Variants in MMP26 observed in about 807,000 individuals in gnomAD.
MMP26 encodes matrix metallopeptidase 26, also known as matrix metalloproteinase-26.
MMP26 carries 33 observed loss-of-function variants against 31.0 expected under a neutral mutation model. That is an observed-to-expected ratio of 1.06 (90% CI 0.81 to 1.42). The LOEUF is 1.42. Among genes scored for constraint, MMP26 ranks in the 40% most tolerant of loss-of-function variants. MMP26 has a pLI of 0.00. For missense variants in MMP26, 347 were observed against 316.1 expected (o/e 1.10, Z -0.74); for synonymous variants, 122 against 114.9 (o/e 1.06, Z -0.40).
At position 4,879,568 on chromosome 11, in the gene MMP26, C is replaced by T. The variant is rs577070163; in HGVS notation, c.-144-108500C>T. 1.7e-4 allele frequency among the ~76,000 whole-genome samples: 26 copies of T among 152,080 alleles called. No homozygotes were observed. The Middle Eastern group carries it at 0.014, about 80-fold the overall frequency. ...CTGCAACTTGCTAACTTTTAGACAG[C>T]GAAGTTATTAAAAAATCTCTCTGAA... is the stretch of plus-strand genomic sequence containing the variant. On this transcript the variant is annotated intron_variant, in intron 2 of 7. Transcript: ENST00000380390.
At chr11:4,969,832 C>T (rs35996509) in intron 2 of MMP26, among the ~76,000 whole-genome samples, 24,163 of 151,928 alleles carry the variant, frequency 0.16, 2,395 homozygotes, top group South Asian at 0.23. Flanking sequence ...ATTAAGCAAA[C>T]GTTATTAAAC....
intron 1 of MMP26, among the ~76,000 whole-genome samples, chr11:4,753,929 G>A (rs186172003): frequency 6.6e-6 from 1 of 152,072 alleles, no homozygotes; most frequent in African/African-American, 2.4e-5. Flanking sequence ...CAAATAGTAA[G>A]CTTGTTTTGT....
chr11:4,839,692 C>T (rs1335949246), intron 2 of MMP26, among the ~76,000 whole-genome samples: 2 of 151,758 alleles, frequency 1.3e-5, no homozygotes, highest in African/African-American at 2.4e-5. Context: ...CAGCAATACC[C>T]AGGTACTACG....
chr11:4,906,622 T>C (rs1850893675), intron 2 of MMP26, among the ~76,000 whole-genome samples: 1 of 152,208 alleles, frequency 6.6e-6, no homozygotes, highest in South Asian at 2.1e-4. Flanking sequence ...TCTCTGATTA[T>C]TTTCTTAGAC....
chr11:4,882,766 G>A (rs767844413), intron 2 of MMP26: 2 of 1,613,906 alleles, frequency 1.2e-6, no homozygotes, highest in Non-Finnish European at 8.5e-7. Flanking sequence ...CACCTGTGCT[G>A]AACCCTATCA....
chr11:4,938,051 T>C (rs748740151), intron 2 of MMP26: 2 of 152,038 alleles, frequency 1.3e-5, no homozygotes, highest in African/African-American at 2.4e-5. Context: ...CCCAAAGTGA[T>C]GGGTAAGGAA....
chr11:4,874,008 A>G (rs1016485471), intron 2 of MMP26, among the ~76,000 whole-genome samples: 2 of 152,080 alleles, frequency 1.3e-5, no homozygotes, highest in Non-Finnish European at 2.9e-5. Context: ...ATATAAGTGA[A>G]AGACCCTCAA....
intron 2 of MMP26, among the ~76,000 whole-genome samples, chr11:4,783,745 G>T (rs1441738362): frequency 6.6e-6 from 1 of 152,164 alleles, no homozygotes; most frequent in East Asian, 1.9e-4. Context: ...TATGGGGACA[G>T]GTCTTTCCAT....
intron 1 of MMP26, among the ~76,000 whole-genome samples, chr11:4,730,697 T>C (rs990927682): frequency 2.0e-5 from 3 of 152,104 alleles, no homozygotes; most frequent in South Asian, 4.1e-4. Context: ...AGACATCCCT[T>C]AGAGAATCAC....
At chr11:4,969,877 T>G (rs913070287) in intron 2 of MMP26, among the ~76,000 whole-genome samples, 6 of 152,198 alleles carry the variant, frequency 3.9e-5, no homozygotes, top group African/African-American at 1.4e-4. Flanking sequence ...CTATGTCAAG[T>G]AAATTTGAAA....
At chr11:4,924,262 A>G (rs1044305335) in intron 2 of MMP26, 1 of 1,614,076 alleles carries the variant, frequency 6.2e-7, no homozygotes, top group Non-Finnish European at 8.5e-7. Flanking sequence ...AGATCCAGCC[A>G]TGGAGACCTT....
At chr11:4,767,418 T>C (rs1483319305) in intron 2 of MMP26, 77 bp downstream of exon 2, 1 of 152,178 alleles carries the variant, frequency 6.6e-6, no homozygotes, top group African/African-American at 2.4e-5. Context: ...CATGTTGATG[T>C]TTTACACACA....
chr11:4,968,742 A>C lies in MMP26; in HGVS notation c.-144-19326A>C, dbSNP rs561584294. Reference sequence around the variant, plus strand: ...TGTCTTGCATCTGTATAATTTTGACATTAAAGATAATTAATAAAAATAAAT... The same window carrying C: ...TGTCTTGCATCTGTATAATTTTGACCTTAAAGATAATTAATAAAAATAAAT... On this transcript the variant is annotated intron_variant, in intron 2 of 7. Transcript: ENST00000380390. Among the ~76,000 whole-genome samples the C allele has an allele frequency of 2.0e-4, 31 of 152,076 alleles. No individual in the cohort carries two copies. The South Asian group carries it at 6.4e-3, about 31-fold the overall frequency.
At chr11:4,724,247 C>A in intron 1 of MMP26, 1 of 401,712 alleles carries the variant, frequency 2.5e-6, no homozygotes, top group East Asian at 3.6e-5. Flanking sequence ...GTCTTATTAC[C>A]ATAAGTCTTG....
At chr11:4,956,947 T>C (rs1338986684) in intron 2 of MMP26, among the ~76,000 whole-genome samples, 1 of 152,216 alleles carries the variant, frequency 6.6e-6, no homozygotes, top group Admixed American at 6.5e-5. Flanking sequence ...AATCTTGAAA[T>C]TTTTTAAATA....
At chr11:4,908,173 C>A in intron 2 of MMP26, 3 of 1,614,194 alleles carry the variant, frequency 1.9e-6, no homozygotes, top group Non-Finnish European at 2.5e-6. Context: ...AGCACAAAAG[C>A]CCTCTTGTTG....
At chr11:4,821,510 C>G (rs1460856446) in intron 2 of MMP26, 1 of 1,612,066 alleles carries the variant, frequency 6.2e-7, no homozygotes, top group Non-Finnish European at 8.5e-7. Flanking sequence ...TACTGGATCT[C>G]CATCCCTTTT....
chr11:4,896,878 C>G (rs1360941313), intron 2 of MMP26, among the ~76,000 whole-genome samples: 2 of 152,010 alleles, frequency 1.3e-5, no homozygotes, highest in African/African-American at 2.4e-5. Flanking sequence ...TCTTTTGAAA[C>G]TTTCCTACTA....
At chr11:4,707,702 C>G (rs1023972117) in intron 1 of MMP26, among the ~76,000 whole-genome samples, 3 of 152,292 alleles carry the variant, frequency 2.0e-5, no homozygotes, top group Non-Finnish European at 4.4e-5. Flanking sequence ...ATGAATTTAA[C>G]TTATAATTTG....
Sources: allele counts gnomAD v4.1 joint callset (sites outside exome capture counted in the v4.1 genomes callset), GRCh38; gene constraint gnomAD v4.1.1; transcripts MANE v1.5; gene names NCBI Gene and HGNC (gene_info 2026-07-23, HGNC 2026-07-21).